Variants in CADM1 observed in about 807,000 individuals in gnomAD.
CADM1 encodes the protein TSLC-1.
CADM1 carries 15 observed loss-of-function variants against 53.1 expected under a neutral mutation model. That is an observed-to-expected ratio of 0.28 (90% CI 0.19 to 0.44). The LOEUF is 0.44. CADM1 is among the 20% of genes least tolerant of loss of function. The pLI, the probability that CADM1 is intolerant of heterozygous loss-of-function variation, is 1.00. For missense variants in CADM1, 434 were observed against 611.3 expected (o/e 0.71, Z 3.06); for synonymous variants, 281 against 243.0 (o/e 1.16, Z -1.45).
chr11:115,341,407 G>C (rs1945442553), intron 1 of CADM1, among the ~76,000 whole-genome samples: 1 of 152,044 alleles, frequency 6.6e-6, no homozygotes, highest in South Asian at 2.1e-4. Flanking sequence ...GCTTTAAATA[G>C]GATATTTATT....
At chr11:115,423,029 TG>T (rs201912648) in intron 1 of CADM1, among the ~76,000 whole-genome samples, 4,794 of 132,718 alleles carry the variant, frequency 0.036, 121 homozygotes, top group Non-Finnish European at 0.059. Context: ...CGCTACGGTC[TG>T]TTTTTTTTTT....
intron 1 of CADM1, among the ~76,000 whole-genome samples, chr11:115,456,392 C>T (rs186755507): frequency 5.3e-5 from 8 of 151,706 alleles, no homozygotes; most frequent in Non-Finnish European, 7.4e-5. Context: ...AGGAGAATAA[C>T]TACACTTTAA....
Position 115,239,129 on chromosome 11 carries a change from T to C in CADM1, c.272-477A>G, listed in dbSNP as rs1942121518. 2.6e-5 allele frequency among the ~76,000 whole-genome samples: 4 copies of C among 152,136 alleles called. No individual in the cohort carries two copies. In the South Asian group the frequency reaches 8.3e-4, roughly 32 times the overall value. On this transcript the variant is annotated intron_variant, in intron 2 of 11. Transcript: ENST00000331581. ...GCCTTTTAAAATGCCTCAAAAATTGTAAGTAAGGCCTTCAAAAAACAAGGG... is the reference window on the plus strand; with the variant it reads ...GCCTTTTAAAATGCCTCAAAAATTGCAAGTAAGGCCTTCAAAAAACAAGGG...
At chr11:115,485,229 T>A (rs899534753) in intron 1 of CADM1, among the ~76,000 whole-genome samples, 1 of 152,166 alleles carries the variant, frequency 6.6e-6, no homozygotes, top group Non-Finnish European at 1.5e-5. Context: ...TAGTCCTTTC[T>A]GGCATTCATC....
intron 1 of CADM1, among the ~76,000 whole-genome samples, chr11:115,277,825 G>A (rs929461535): frequency 6.6e-6 from 1 of 152,120 alleles, no homozygotes; most frequent in Non-Finnish European, 1.5e-5. Flanking sequence ...AGACAGAATA[G>A]ACAAAAAGAA....
intron 10 of CADM1, among the ~76,000 whole-genome samples, chr11:115,187,101 C>T (rs979959411): frequency 6.6e-6 from 1 of 152,242 alleles, no homozygotes; most frequent in Non-Finnish European, 1.5e-5. Context: ...CCATATCATG[C>T]CACACTTTAG....
intron 10 of CADM1, among the ~76,000 whole-genome samples, chr11:115,187,502 T>C (rs1303985156): frequency 2.6e-5 from 4 of 152,120 alleles, no homozygotes; most frequent in African/African-American, 9.7e-5. Flanking sequence ...CATCTCGGCT[T>C]ACTGCAACCT....
chr11:115,502,563 G>C (rs1949752278), intron 1 of CADM1, among the ~76,000 whole-genome samples: 1 of 151,678 alleles, frequency 6.6e-6, no homozygotes. Flanking sequence ...CAATTATCTC[G>C]TAACTCATAA....
chr11:115,392,007 AG>A (rs1946847410), intron 1 of CADM1, among the ~76,000 whole-genome samples: 1 of 152,190 alleles, frequency 6.6e-6, no homozygotes, highest in Admixed American at 6.5e-5. Context: ...ATCACCACAA[AG>A]AACAAATATT....
At chr11:115,359,763 TG>T (rs1346054443) in intron 1 of CADM1, among the ~76,000 whole-genome samples, 3 of 152,198 alleles carry the variant, frequency 2.0e-5, no homozygotes, top group Non-Finnish European at 4.4e-5. Flanking sequence ...TGTAAGAGAA[TG>T]GCACATGCAA....
chr11:115,432,889 GT>G (rs1948091913), intron 1 of CADM1, among the ~76,000 whole-genome samples: 1 of 152,208 alleles, frequency 6.6e-6, no homozygotes, highest in Non-Finnish European at 1.5e-5. Flanking sequence ...ACTTCTGAGA[GT>G]TTGTTTTCCT....
At chr11:115,460,718 C>T (rs1158796978) in intron 1 of CADM1, among the ~76,000 whole-genome samples, 2 of 151,826 alleles carry the variant, frequency 1.3e-5, no homozygotes, top group Non-Finnish European at 2.9e-5. Context: ...ACAGTACTGC[C>T]ATGATTCTGG....
In CADM1 at chr11:115,215,241, TCA is replaced by T. The variant is rs1378001123; in HGVS notation, c.822-463_822-462del. 2.6e-5 allele frequency among the ~76,000 whole-genome samples: 4 copies of T among 152,370 alleles called. No homozygotes were observed. The East Asian group carries it at 7.7e-4, about 29-fold the overall frequency. On this transcript the variant is annotated intron_variant, in intron 6 of 11. Coordinates refer to ENST00000331581, the MANE Select transcript of CADM1 (RefSeq NM_001301043.2). ...GTGATATTTAGATGGATTTTGAGTT[TCA>T]CCAAAAGGAATGGACTTTTATATCT...
intron 1 of CADM1, among the ~76,000 whole-genome samples, chr11:115,262,594 C>T (rs1301424159): frequency 6.6e-6 from 1 of 152,190 alleles, no homozygotes; most frequent in African/African-American, 2.4e-5. Flanking sequence ...GAACAAATAT[C>T]TCCTCTGAAC....
rs565185193 is a variant in CADM1, at chr11:115,484,871, C to T, written c.124+19400G>A. ...CTGAGGCAGGAGAATGGCGTGGAAC[C>T]GGGAGGCAGAGCTTGCAGTAAGCCG... On this transcript the variant is annotated intron_variant, in intron 1 of 11. Transcript: ENST00000331581. Among the ~76,000 whole-genome samples the T allele has an allele frequency of 1.7e-3, 252 of 150,802 alleles. 1 individual carries two copies. The highest frequency in any genetic ancestry group is 5.9e-3 in the African/African-American group (242 of 41,068).
chr11:115,382,252 G>A (rs1356767614), intron 1 of CADM1, among the ~76,000 whole-genome samples: 1 of 151,996 alleles, frequency 6.6e-6, no homozygotes, highest in Admixed American at 6.5e-5. Context: ...GGGTAAAAAG[G>A]TAAACCAATT....
At chr11:115,410,185 T>C (rs1044096846) in intron 1 of CADM1, among the ~76,000 whole-genome samples, 6 of 152,230 alleles carry the variant, frequency 3.9e-5, no homozygotes, top group African/African-American at 7.2e-5. Flanking sequence ...TGAACCTCTC[T>C]GCCCATTAAC....
intron 1 of CADM1, among the ~76,000 whole-genome samples, chr11:115,242,873 G>A (rs374339718): frequency 2.0e-5 from 3 of 152,284 alleles, no homozygotes; most frequent in African/African-American, 2.4e-5. Context: ...TGCTTTAACA[G>A]AATAGTTCCT....
intron 1 of CADM1, among the ~76,000 whole-genome samples, chr11:115,349,400 G>A (rs1945667243): frequency 6.6e-6 from 1 of 152,156 alleles, no homozygotes; most frequent in Non-Finnish European, 1.5e-5. Context: ...TTTGAAAAGA[G>A]CATGACAACC....
Sources: gnomAD v4.1 joint callset for allele counts (sites outside exome capture counted in the v4.1 genomes callset) on GRCh38, gnomAD v4.1.1 for gene constraint, MANE v1.5 for transcripts, NCBI Gene and HGNC (gene_info 2026-07-23, HGNC 2026-07-21) for gene names.